Variants in KCNMA1 observed in about 807,000 individuals in gnomAD.
The protein encoded by KCNMA1 is Calcium-activated potassium channel subunit alpha-1.
Under a neutral mutation model 140.0 loss-of-function variants are expected in KCNMA1, and 29 were observed. The ratio of observed to expected loss-of-function variants is 0.21; its 90% CI spans 0.15 to 0.28. KCNMA1 has a LOEUF of 0.28. Among genes scored for constraint, KCNMA1 ranks in the 10% least tolerant of loss-of-function variants. The probability of loss-of-function intolerance (pLI) is 1.00; values close to 1 mark genes in which losing one functional copy is unlikely to be tolerated. For missense variants in KCNMA1, 880 were observed against 1,602.2 expected (o/e 0.55, Z 7.70); for synonymous variants, 612 against 611.9 (o/e 1.00, Z 0.00).
intron 1 of KCNMA1, among the ~76,000 whole-genome samples, chr10:77,435,964 C>T (rs911659088): frequency 2.2e-4 from 34 of 152,292 alleles, no homozygotes; most frequent in African/African-American, 7.5e-4. Context: ...TCTTTTTATT[C>T]CCGATCTTAG....
At chr10:77,559,065 C>T (rs760548767) in intron 1 of KCNMA1, among the ~76,000 whole-genome samples, 4 of 152,152 alleles carry the variant, frequency 2.6e-5, no homozygotes, top group African/African-American at 7.2e-5. Context: ...TCCTGGTCAG[C>T]CCAGCCCCTG....
At chr10:77,064,926 C>T (rs1242292995) in intron 14 of KCNMA1, among the ~76,000 whole-genome samples, 1 of 152,200 alleles carries the variant, frequency 6.6e-6, no homozygotes, top group African/African-American at 2.4e-5. Context: ...GATTAAAGAG[C>T]TTTGCATTTC....
chr10:77,266,619 A>G (rs1211144520), intron 2 of KCNMA1, among the ~76,000 whole-genome samples: 1 of 152,196 alleles, frequency 6.6e-6, no homozygotes, highest in Non-Finnish European at 1.5e-5. Flanking sequence ...TGAATAATCA[A>G]TCCATTCAGG....
At chr10:77,439,084 A>AG (rs2097327506) in intron 1 of KCNMA1, among the ~76,000 whole-genome samples, 16 of 146,666 alleles carry the variant, frequency 1.1e-4, no homozygotes, top group Non-Finnish European at 1.9e-4. Context: ...AAGAAAGAAA[A>AG]GAAAAGAGAA....
chr10:77,336,836 A>C (rs1455800584), intron 2 of KCNMA1, among the ~76,000 whole-genome samples: 3 of 152,220 alleles, frequency 2.0e-5, no homozygotes, highest in African/African-American at 7.2e-5. Flanking sequence ...CATCTGTAAA[A>C]TGGGACTAAC....
intron 9 of KCNMA1, among the ~76,000 whole-genome samples, chr10:77,102,808 G>T (rs1197798005): frequency 6.6e-6 from 1 of 152,122 alleles, no homozygotes; most frequent in African/African-American, 2.4e-5. Context: ...AGTCTTTTCT[G>T]GTTTTGCAGC....
At chr10:77,170,740 A>G (rs2098697345) in intron 5 of KCNMA1, among the ~76,000 whole-genome samples, 1 of 152,234 alleles carries the variant, frequency 6.6e-6, no homozygotes, top group South Asian at 2.1e-4. Context: ...GATATCAACC[A>G]AATTGGCTCT....
At chr10:77,215,784 T>A (rs1045858047) in intron 3 of KCNMA1, among the ~76,000 whole-genome samples, 1 of 152,114 alleles carries the variant, frequency 6.6e-6, no homozygotes, top group Admixed American at 6.5e-5. Flanking sequence ...TTAGGTCTAA[T>A]GAGGTCATCA....
At chr10:77,254,869 A>G (rs914750497) in intron 2 of KCNMA1, among the ~76,000 whole-genome samples, 2 of 152,206 alleles carry the variant, frequency 1.3e-5, no homozygotes, top group African/African-American at 4.8e-5. Flanking sequence ...AGTACCCCAG[A>G]AAGCAAAGCA....
intron 23 of KCNMA1, among the ~76,000 whole-genome samples, chr10:76,925,492 C>T (rs11597825): frequency 0.34 from 51,983 of 152,044 alleles, 11,501 homozygotes; most frequent in Non-Finnish European, 0.49. Flanking sequence ...CACAGACATC[C>T]CCCCTCATGC....
intron 5 of KCNMA1, among the ~76,000 whole-genome samples, chr10:77,155,665 G>T (rs1354832969): frequency 6.6e-6 from 1 of 151,930 alleles, no homozygotes. Flanking sequence ...CCATGGAAAC[G>T]GTTCCTCCAC....
intron 1 of KCNMA1, among the ~76,000 whole-genome samples, chr10:77,598,588 T>C (rs1567783946): frequency 6.6e-6 from 1 of 152,356 alleles, no homozygotes; most frequent in East Asian, 1.9e-4. Flanking sequence ...TGTGAACATA[T>C]GCTATTTTTA....
Position 77,404,109 on chromosome 10 carries a change from G to C in KCNMA1, c.379-86C>G, listed in dbSNP as rs596832. ...TACCCATAAAGAACCAGAGCCAGAA[G>C]GGGTCCCCAGCTGAGATGGAAACTA... is the stretch of plus-strand genomic sequence containing the variant. On this transcript the variant is annotated intron_variant, in intron 1 of 27. Coordinates refer to ENST00000286628, the MANE Select transcript of KCNMA1 (RefSeq NM_001161352.2). 0.32 allele frequency: 438,640 copies of C among 1,392,410 alleles called. 69,599 individuals carry two copies. The highest frequency in any genetic ancestry group is 0.35 in the Middle Eastern group (1,994 of 5,678). 86.3% of individuals were successfully genotyped at this position (1,392,410 alleles called of 1,614,324 possible).
At chr10:77,217,329 A>C (rs923375176) in intron 3 of KCNMA1, among the ~76,000 whole-genome samples, 2 of 152,066 alleles carry the variant, frequency 1.3e-5, no homozygotes, top group Non-Finnish European at 2.9e-5. Flanking sequence ...AACAAACAAA[A>C]AAAAACTAAA....
intron 7 of KCNMA1, among the ~76,000 whole-genome samples, chr10:77,112,143 G>A (rs1202925573): frequency 6.6e-6 from 1 of 152,146 alleles, no homozygotes; most frequent in Non-Finnish European, 1.5e-5. Flanking sequence ...AATGAGCAAT[G>A]AACTGAAAAA....
intron 1 of KCNMA1, among the ~76,000 whole-genome samples, chr10:77,420,026 G>A (rs1167936105): frequency 6.6e-6 from 1 of 152,086 alleles, no homozygotes; most frequent in Admixed American, 6.5e-5. Flanking sequence ...TCATAGAGAG[G>A]GGAATGTGAT....
chr10:77,293,838 T>C (rs1442989568), intron 2 of KCNMA1, among the ~76,000 whole-genome samples: 1 of 152,226 alleles, frequency 6.6e-6, no homozygotes, highest in East Asian at 1.9e-4. Context: ...ATGCGACTAA[T>C]CTGGCATTTA....
intron 14 of KCNMA1, 144 bp from the exon 15 acceptor site, chr10:77,039,781 C>A (rs1326759577): frequency 1.4e-6 from 1 of 691,702 alleles, no homozygotes; most frequent in South Asian, 1.5e-5. Context: ...ACGGCCTCTG[C>A]ACCCATATAA....
chr10:77,181,176 G>A (rs962380954), intron 5 of KCNMA1, among the ~76,000 whole-genome samples: 6 of 152,146 alleles, frequency 3.9e-5, no homozygotes, highest in Admixed American at 2.0e-4. Context: ...GAAGTGTGAG[G>A]ACTAGAAGGT....
Sources: gnomAD v4.1 joint callset for allele counts (sites outside exome capture counted in the v4.1 genomes callset) on GRCh38, gnomAD v4.1.1 for gene constraint, MANE v1.5 for transcripts, NCBI Gene and HGNC (gene_info 2026-07-23, HGNC 2026-07-21) for gene names.